HEXB: variants seen among roughly 807,000 people sequenced by gnomAD.
HEXB encodes the protein beta-hexosaminidase subunit beta.
HEXB carries 51 observed loss-of-function variants against 71.2 expected under a neutral mutation model. The ratio of observed to expected loss-of-function variants is 0.72; its 90% CI spans 0.57 to 0.90. The LOEUF (loss-of-function observed/expected upper bound fraction) is 0.90. Among genes scored for constraint, HEXB ranks in the 40% least tolerant of loss-of-function variants. The pLI, the probability that HEXB is intolerant of heterozygous loss-of-function variation, is 0.00. For missense variants in HEXB, 617 were observed against 677.0 expected (o/e 0.91, Z 0.98); for synonymous variants, 266 against 249.3 (o/e 1.07, Z -0.63).
At chr5:74,693,356 A>G (rs1490982443) in intron 2 of HEXB, 3 of 491,622 alleles carry the variant, frequency 6.1e-6, no homozygotes, top group African/African-American at 3.9e-5. Context: ...GAGTGACTCA[A>G]GTGACTGGAT....
Position 74,720,309 on chromosome 5 carries a change from C to T in HEXB, c.1418-119C>T. ...ACCATTAGCATCTCCCAAGGTCCTG[C>T]TAACCACGGGCAAGAAATGTTGCCC... On this transcript the variant is annotated intron_variant, in intron 11 of 13. Transcript: ENST00000261416. The T allele has an allele frequency of 3.6e-5, 29 of 807,146 alleles. 1 individual carries two copies. In the South Asian group the frequency reaches 4.1e-4, roughly 11 times the overall value. 50.0% of individuals were successfully genotyped at this position (807,146 alleles called of 1,614,324 possible).
intron 1 of HEXB, among the ~76,000 whole-genome samples, chr5:74,687,130 T>A (rs1748893358): frequency 6.6e-6 from 1 of 152,266 alleles, no homozygotes; most frequent in Non-Finnish European, 1.5e-5. Context: ...CAGCCATTAA[T>A]TATGCCTGGT....
At chr5:74,667,301 C>T (rs1045078935) in intron 1 of HEXB, among the ~76,000 whole-genome samples, 1 of 152,006 alleles carries the variant, frequency 6.6e-6, no homozygotes, top group African/African-American at 2.4e-5. Flanking sequence ...TGCCTGTAAC[C>T]CCAGCTATTC....
intron 11 of HEXB, chr5:74,720,157 C>A: frequency 2.2e-6 from 1 of 463,630 alleles, no homozygotes; most frequent in Non-Finnish European, 3.9e-6. Context: ...CTGTTTAATA[C>A]TGGCCCACTA....
chr5:74,685,420 C>A lies in HEXB; in HGVS notation c.160C>A (p.Pro54Thr), dbSNP rs778119481. The A allele has an allele frequency of 2.1e-5, 34 of 1,600,640 alleles. No homozygotes were observed. In the Admixed American group the frequency reaches 5.8e-4, roughly 27 times the overall value. ...RAPSVSAKPG[P>T]ALWPLPLLVK... ...CCCGAGCGTCTCGGCCAAGCCGGGG[C>A]CGGCGCTGTGGCCCCTGCCGCTCTT... The change falls in exon 1 of 14, where the codon CCG becomes ACG. Residue 54 changes from proline (P) to threonine (T), a missense_variant. Physicochemically the swap from Pro to Thr is conservative, Grantham distance 38. Transcript: ENST00000261416.
chr5:74,666,425 G>A (rs1189749574), intron 1 of HEXB, among the ~76,000 whole-genome samples: 1 of 152,234 alleles, frequency 6.6e-6, no homozygotes, highest in African/African-American at 2.4e-5. Context: ...AAATGGCCCA[G>A]GTTGGCTCTG....
intron 1 of HEXB, among the ~76,000 whole-genome samples, chr5:74,677,723 G>A (rs945172610): frequency 1.3e-5 from 2 of 151,702 alleles, no homozygotes; most frequent in Admixed American, 1.3e-4. Flanking sequence ...CTTTATTCCA[G>A]TAGCTTTTGG....
chr5:74,690,947 C>G (rs62368219), intron 2 of HEXB, among the ~76,000 whole-genome samples: 2 of 152,230 alleles, frequency 1.3e-5, no homozygotes, highest in African/African-American at 2.4e-5. Flanking sequence ...GGTTTTGCAA[C>G]CTGAATTGAG....
intron 3 of HEXB, among the ~76,000 whole-genome samples, chr5:74,696,325 A>G (rs917419409): frequency 1.3e-5 from 2 of 152,178 alleles, no homozygotes; most frequent in Non-Finnish European, 2.9e-5. Context: ...ACCTTCTAAA[A>G]GTGACTATAT....
chr5:74,666,732 A>G (rs796987882), intron 1 of HEXB, among the ~76,000 whole-genome samples: 4 of 152,148 alleles, frequency 2.6e-5, no homozygotes, highest in African/African-American at 9.6e-5. Context: ...CTATCAATCA[A>G]CCTGCTCAGA....
intron 1 of HEXB, among the ~76,000 whole-genome samples, chr5:74,688,640 G>A (rs1339717706): frequency 6.6e-6 from 1 of 152,188 alleles, no homozygotes; most frequent in Non-Finnish European, 1.5e-5. Flanking sequence ...ACTGCAGCTG[G>A]CCAACAAAAA....
chr5:74,696,164 T>C (rs1749109185), intron 3 of HEXB, among the ~76,000 whole-genome samples: 1 of 152,196 alleles, frequency 6.6e-6, no homozygotes, highest in African/African-American at 2.4e-5. Flanking sequence ...AATTAGCCTG[T>C]CAACTAGTAT....
chr5:74,704,040 C>T (rs1431897220), intron 5 of HEXB, among the ~76,000 whole-genome samples: 1 of 152,208 alleles, frequency 6.6e-6, no homozygotes, highest in African/African-American at 2.4e-5. Context: ...TCTCACTCTA[C>T]AATTGCAGAG....
At chr5:74,709,206 G>A (rs996710652) in intron 6 of HEXB, among the ~76,000 whole-genome samples, 3 of 152,158 alleles carry the variant, frequency 2.0e-5, no homozygotes, top group East Asian at 3.9e-4. Flanking sequence ...GGTACATAAC[G>A]AAATGAAGGC....
chr5:74,657,529 A>G (rs1160301901), intron 1 of HEXB, among the ~76,000 whole-genome samples: 1 of 152,182 alleles, frequency 6.6e-6, no homozygotes, highest in Non-Finnish European at 1.5e-5. Flanking sequence ...ATGTCTGTTT[A>G]TTTATTATTT....
chr5:74,649,227 C>T (rs1336277760), intron 1 of HEXB, among the ~76,000 whole-genome samples: 2 of 152,140 alleles, frequency 1.3e-5, no homozygotes, highest in African/African-American at 4.8e-5. Context: ...GCAGAGGGCA[C>T]AGCTGGGTCA....
At chr5:74,711,677 GA>G (rs1425546344) in intron 6 of HEXB, among the ~76,000 whole-genome samples, 1 of 151,992 alleles carries the variant, frequency 6.6e-6, no homozygotes, top group Non-Finnish European at 1.5e-5. Flanking sequence ...AAAAACACAT[GA>G]AAAAATGCTC....
intron 11 of HEXB, among the ~76,000 whole-genome samples, chr5:74,719,275 A>G (rs551691275): frequency 4.7e-4 from 71 of 152,234 alleles, no homozygotes; most frequent in Admixed American, 1.2e-3. Context: ...CACTCTCTAC[A>G]TTCTAAAGGT....
In HEXB at chr5:74,700,105, C is replaced by T. The variant is rs559089327; in HGVS notation, c.669+2999C>T. ...CACTGTAATCTCTGCCTCCTGGGTT[C>T]AAGCGATTCTTGGACCTCAGCCTCC... On this transcript the variant is annotated intron_variant, in intron 5 of 13. Coordinates refer to ENST00000261416, the MANE Select transcript of HEXB (RefSeq NM_000521.4). Among the ~76,000 whole-genome samples the T allele has an allele frequency of 4.5e-5, 6 of 134,114 alleles. No homozygotes were observed. The South Asian group carries it at 1.3e-3, about 28-fold the overall frequency. The allele number at this position is 134,114 out of a possible 152,430, so 88.0% of individuals were successfully genotyped here. A position where few individuals can be genotyped will look rare whatever the true frequency, so the allele number is the denominator to read the frequency against.
Sources: gnomAD v4.1 joint callset for allele counts (sites outside exome capture counted in the v4.1 genomes callset) on GRCh38, gnomAD v4.1.1 for gene constraint, MANE v1.5 for transcripts, NCBI Gene and HGNC (gene_info 2026-07-23, HGNC 2026-07-21) for gene names.